RASEF: variants seen among roughly 807,000 people sequenced by gnomAD.
The protein encoded by RASEF is RAS and EF-hand domain containing.
Under a neutral mutation model 90.1 loss-of-function variants are expected in RASEF, and 68 were observed. The observed-to-expected ratio is 0.75, with a 90% CI of 0.62 to 0.92. The LOEUF (loss-of-function observed/expected upper bound fraction) is 0.92. RASEF is among the 40% of genes least tolerant of loss of function. The pLI, the probability that RASEF is intolerant of heterozygous loss-of-function variation, is 0.00. For synonymous variants in RASEF, 331 were observed against 345.2 expected (o/e 0.96, Z 0.46); for missense variants, 949 against 937.2 (o/e 1.01, Z -0.16).
intron 1 of RASEF, chr9:83,048,529 T>C (rs1829974300): frequency 1.0e-6 from 1 of 983,052 alleles, no homozygotes; most frequent in Non-Finnish European, 1.2e-6. Flanking sequence ...ATACAGTGGA[T>C]ACAAAAAAAA....
At chr9:82,982,849 A>G in intron 16 of RASEF, 67 bp from the exon 17 acceptor site, 1 of 898,044 alleles carries the variant, frequency 1.1e-6, no homozygotes, top group Non-Finnish European at 1.9e-6. Flanking sequence ...CTGAGGTATA[A>G]AAACTAAGCC....
At chr9:83,125,851 A>G in the RASEF span, among the ~76,000 whole-genome samples, 2 of 152,352 alleles carry the variant, frequency 1.3e-5, no homozygotes, top group South Asian at 2.1e-4. Flanking sequence ...GTCCTGTGGT[A>G]AAAGAAAACA....
the RASEF span, among the ~76,000 whole-genome samples, chr9:83,097,973 T>A: frequency 6.6e-6 from 1 of 152,228 alleles, no homozygotes; most frequent in African/African-American, 2.4e-5. Context: ...TGTTATTTCT[T>A]ATTTCTTACA....
At chr9:83,093,238 C>T in the RASEF span, among the ~76,000 whole-genome samples, 2 of 152,218 alleles carry the variant, frequency 1.3e-5, no homozygotes, top group South Asian at 2.1e-4. Context: ...TGGCTTCACC[C>T]GGTGGATCCC....
At chr9:83,019,289 TA>T (rs1447420997) in intron 3 of RASEF, among the ~76,000 whole-genome samples, 1 of 152,098 alleles carries the variant, frequency 6.6e-6, no homozygotes, top group Non-Finnish European at 1.5e-5. Context: ...ACTGTATTTG[TA>T]ATGAGCCAAA....
chr9:83,152,234 T>G, the RASEF span, among the ~76,000 whole-genome samples: 1 of 152,218 alleles, frequency 6.6e-6, no homozygotes, highest in Non-Finnish European at 1.5e-5. Context: ...AAACTAAATG[T>G]GTGGCCTTAA....
intron 5 of RASEF, among the ~76,000 whole-genome samples, chr9:83,010,214 A>G (rs1381424892): frequency 6.6e-6 from 1 of 152,220 alleles, no homozygotes; most frequent in East Asian, 1.9e-4. Context: ...ACTTAAAAAT[A>G]AACCAGTGTG....
chr9:83,107,363 A>C, the RASEF span, among the ~76,000 whole-genome samples: 2 of 152,222 alleles, frequency 1.3e-5, no homozygotes, highest in African/African-American at 4.8e-5. Flanking sequence ...ATCTCAAATG[A>C]ATCTATGAAT....
the RASEF span, among the ~76,000 whole-genome samples, chr9:83,203,519 A>G: frequency 6.2e-3 from 936 of 152,142 alleles, 9 homozygotes; most frequent in African/African-American, 0.021. Flanking sequence ...CAAGTGATTC[A>G]TCAATTTCAG....
At chr9:82,997,618 T>A (rs7854101) in intron 13 of RASEF, among the ~76,000 whole-genome samples, 3 of 151,976 alleles carry the variant, frequency 2.0e-5, no homozygotes, top group African/African-American at 4.8e-5. Context: ...GAGATTCACC[T>A]TGGGAAGAGA....
At chr9:83,097,025 T>A in the RASEF span, among the ~76,000 whole-genome samples, 1 of 152,096 alleles carries the variant, frequency 6.6e-6, no homozygotes, top group Non-Finnish European at 1.5e-5. Context: ...CTTAATCCAG[T>A]CTATCATTGT....
the RASEF span, among the ~76,000 whole-genome samples, chr9:83,195,337 A>G: frequency 6.6e-6 from 1 of 152,188 alleles, no homozygotes; most frequent in Non-Finnish European, 1.5e-5. Context: ...TGCCTGACAG[A>G]AGAGCAGGGG....
intron 13 of RASEF, among the ~76,000 whole-genome samples, chr9:82,997,363 A>C (rs1000158307): frequency 1.3e-5 from 2 of 152,206 alleles, no homozygotes; most frequent in African/African-American, 2.4e-5. Flanking sequence ...AAACAACCCC[A>C]AGAATGTCTA....
At chr9:83,151,239 C>A in the RASEF span, among the ~76,000 whole-genome samples, 1 of 152,066 alleles carries the variant, frequency 6.6e-6, no homozygotes, top group Non-Finnish European at 1.5e-5. Flanking sequence ...TGTACCCCTT[C>A]CTGGCTATAT....
intron 1 of RASEF, among the ~76,000 whole-genome samples, chr9:83,045,599 A>G (rs980132870): frequency 6.6e-6 from 1 of 152,162 alleles, no homozygotes; most frequent in African/African-American, 2.4e-5. Flanking sequence ...ACCAACACAA[A>G]ACCTTGAATC....
At chr9:83,140,349 G>A in the RASEF span, among the ~76,000 whole-genome samples, 1 of 152,170 alleles carries the variant, frequency 6.6e-6, no homozygotes, top group Non-Finnish European at 1.5e-5. Context: ...AATGCAGCAA[G>A]ACCTCTAATG....
chr9:83,129,710 GA>G, the RASEF span, among the ~76,000 whole-genome samples: 2 of 152,142 alleles, frequency 1.3e-5, no homozygotes, highest in East Asian at 3.9e-4. Flanking sequence ...GGAAGTCACT[GA>G]AAAATTCTAC....
the RASEF span, among the ~76,000 whole-genome samples, chr9:83,076,180 A>AT: frequency 1.4e-3 from 209 of 152,016 alleles, no homozygotes; most frequent in African/African-American, 4.9e-3. Flanking sequence ...AAAAAAAAAA[A>AT]ATCTAAAGCC....
At chr9:83,175,296 G>GT in the RASEF span, among the ~76,000 whole-genome samples, 1 of 151,996 alleles carries the variant, frequency 6.6e-6, no homozygotes, top group Non-Finnish European at 1.5e-5. Context: ...TTCCCAGTTT[G>GT]TTTAATATTT....
Sources: allele counts gnomAD v4.1 joint callset (sites outside exome capture counted in the v4.1 genomes callset), GRCh38; gene constraint gnomAD v4.1.1; transcripts MANE v1.5; gene names NCBI Gene and HGNC (gene_info 2026-07-23, HGNC 2026-07-21).